Variants in PPP5C observed in about 807,000 individuals in gnomAD.
PPP5C encodes the protein protein phosphatase 5 catalytic subunit.
PPP5C carries 21 observed loss-of-function variants against 66.7 expected under a neutral mutation model. That is an observed-to-expected ratio of 0.31 (90% CI 0.22 to 0.45). The LOEUF is 0.45. Among genes scored for constraint, PPP5C ranks in the 20% least tolerant of loss-of-function variants. The pLI is 1.00. For synonymous variants in PPP5C, 246 were observed against 257.4 expected (o/e 0.96, Z 0.43); for missense variants, 464 against 675.9 (o/e 0.69, Z 3.48).
rs947896455 is a variant in PPP5C, at chr19:46,390,786, A to AC, written c.*446dup. The stretch of plus-strand genomic sequence containing the variant: ...CCATGGTGGGGCTAGGCTGGGGCTC[A>AC]CCCCCCTCCCCAGCTATTTTATGTC... On this transcript the variant is annotated 3_prime_UTR_variant, in exon 13 of 13. Coordinates refer to ENST00000012443, the MANE Select transcript of PPP5C (RefSeq NM_006247.4). The AC allele has an allele frequency of 3.9e-5, 44 of 1,122,798 alleles. No homozygotes were observed. In the East Asian group the frequency reaches 7.8e-4, roughly 20 times the overall value. The allele number at this position is 1,122,798 out of a possible 1,614,324, so 69.6% of individuals were successfully genotyped here.
intron 2 of PPP5C, among the ~76,000 whole-genome samples, chr19:46,366,841 T>C (rs1904305351): frequency 6.6e-6 from 1 of 152,240 alleles, no homozygotes; most frequent in Non-Finnish European, 1.5e-5. Flanking sequence ...TGAGTACTTC[T>C]CTTAAGTGAG....
At chr19:46,372,630 A>G (rs917717793) in intron 2 of PPP5C, among the ~76,000 whole-genome samples, 1 of 152,188 alleles carries the variant, frequency 6.6e-6, no homozygotes, top group Non-Finnish European at 1.5e-5. Flanking sequence ...TCCAGACATC[A>G]TTACCCATGA....
chr19:46,353,708 G>T (rs768719488), intron 1 of PPP5C, 40 bp from the exon 2 acceptor site: 1 of 1,612,490 alleles, frequency 6.2e-7, no homozygotes, highest in Non-Finnish European at 8.5e-7. Flanking sequence ...TCCTCGCAGG[G>T]TTGGAGCACT....
At chr19:46,353,215 CAGG>C (rs1315148226) in intron 1 of PPP5C, among the ~76,000 whole-genome samples, 6 of 152,200 alleles carry the variant, frequency 3.9e-5, no homozygotes, top group African/African-American at 1.4e-4. Flanking sequence ...AGGTAAAGTG[CAGG>C]GTACAGCTAT....
At chr19:46,360,592 C>G (rs1219415759) in intron 2 of PPP5C, among the ~76,000 whole-genome samples, 2 of 152,048 alleles carry the variant, frequency 1.3e-5, no homozygotes, top group Non-Finnish European at 2.9e-5. Context: ...CCACGGCCTC[C>G]TGGGCTCAAT....
rs1474527147 is a variant in PPP5C at position 46,383,522 on chromosome 19, C to G, written c.699+46C>G. On this transcript the variant is annotated intron_variant, in intron 5 of 12. Coordinates refer to ENST00000012443, the MANE Select transcript of PPP5C (RefSeq NM_006247.4). The surrounding 1 kb of genome is among the most constrained non-coding windows in gnomAD (Gnocchi z 5.0). The stretch of plus-strand genomic sequence containing the variant: ...CGGGGAGGGCCAGCGGGGGTGGGCT[C>G]TCTGGCTGGGGAGGGGCCACAGAGC... 13 of 1,530,548 alleles carry G rather than the reference C, an allele frequency of 8.5e-6. No homozygotes were observed. The highest frequency in any genetic ancestry group is 1.2e-5 in the Non-Finnish European group (13 of 1,125,444). The allele number at this position is 1,530,548 out of a possible 1,614,324, so 94.8% of individuals were successfully genotyped here. A position where few individuals can be genotyped will look rare whatever the true frequency, so the allele number is the denominator to read the frequency against.
rs1455130010 is a variant in PPP5C at position 46,390,610 on chromosome 19, C to G, written c.*264C>G. On this transcript the variant is annotated 3_prime_UTR_variant, in exon 13 of 13. Transcript: ENST00000012443. ...CAGCCTGGGCATTCTGTGGGGAGGC[C>G]GTCCTCGGGGTGGGGTGGGGCCGAG... is the stretch of plus-strand genomic sequence containing the variant. 5 of 1,324,532 alleles carry G rather than the reference C, an allele frequency of 3.8e-6. No homozygotes were observed. Among genetic ancestry groups the G allele is most frequent in the Non-Finnish European group, 3.9e-6 (4 of 1,029,400 alleles). The allele number at this position is 1,324,532 out of a possible 1,614,324, so 82.0% of individuals were successfully genotyped here.
chr19:46,363,559 G>C (rs1195718271), intron 2 of PPP5C, among the ~76,000 whole-genome samples: 1 of 151,358 alleles, frequency 6.6e-6, no homozygotes, highest in African/African-American at 2.4e-5. Flanking sequence ...CCTCCAAGTA[G>C]CTGGGATTGC....
Position 46,376,632 on chromosome 19 carries a change from G to T in PPP5C, c.633+58G>T. On this transcript the variant is annotated intron_variant, in intron 4 of 12. Transcript: ENST00000012443. The surrounding 1 kb of genome is among the most constrained non-coding windows in gnomAD (Gnocchi z 5.1). ...AACCCTGGGATGGCATCACAGCACT[G>T]CCAGCCGCGGGCACTGAGCAAAACG... 6.3e-7 allele frequency: 1 copy of T among 1,590,024 alleles called. No homozygotes were observed. The highest frequency in any genetic ancestry group is 8.6e-7 in the Non-Finnish European group (1 of 1,167,234).
chr19:46,355,460 C>T (rs918903894), intron 2 of PPP5C, among the ~76,000 whole-genome samples: 37 of 151,938 alleles, frequency 2.4e-4, no homozygotes, highest in African/African-American at 7.3e-4. Context: ...GGCTGTTGGC[C>T]GCTGGCCTGG....
At chr19:46,380,387 C>T (rs888004282) in intron 4 of PPP5C, among the ~76,000 whole-genome samples, 3 of 152,042 alleles carry the variant, frequency 2.0e-5, no homozygotes, top group Admixed American at 1.3e-4. Context: ...CCTTTGTGCT[C>T]TTGTCATGCT....
At chr19:46,375,830 G>C (rs963967507) in intron 3 of PPP5C, 79 bp downstream of exon 3, 1 of 1,500,132 alleles carries the variant, frequency 6.7e-7, no homozygotes, top group Non-Finnish European at 8.9e-7. Context: ...GGGTGGGGTT[G>C]GGCTCAGGGG....
intron 1 of PPP5C, among the ~76,000 whole-genome samples, chr19:46,347,949 A>C (rs578030349): frequency 1.8e-4 from 28 of 151,690 alleles, no homozygotes; most frequent in African/African-American, 3.9e-4. Context: ...TGAAAAAAAA[A>C]AAAACAAAAA....
In PPP5C at chr19:46,353,984, G is replaced by A. The variant is rs760192092; in HGVS notation, c.358G>A (p.Glu120Lys). ...GKFRAALRDY[E>K]TVVKVKPHDK... ...GTTCCGGGCCGCGCTGCGAGACTAC[G>A]AGACGGTGAGCTGGGGAGTGGGCCA... Residue 120 changes from glutamate (E) to lysine (K), a missense_variant, in exon 2 of 13, where the codon GAG becomes AAG. This residue lies in a region of PPP5C where 387 missense variants were observed against 626.0 expected (regional missense o/e 0.62). Transcript: ENST00000012443. 2 of 1,611,158 alleles carry A rather than the reference G, an allele frequency of 1.2e-6. No homozygotes were observed. Among genetic ancestry groups the A allele is most frequent in the Non-Finnish European group, 1.7e-6 (2 of 1,179,430 alleles).
chr19:46,390,458 A>G lies in PPP5C; in HGVS notation c.*112A>G. ...CCAGGGCAATGTTGGACCCCCTTTT[A>G]CTTTGTAAAGTTTGTATTTATTCCC... On this transcript the variant is annotated 3_prime_UTR_variant, in exon 13 of 13. Transcript: ENST00000012443. The G allele has an allele frequency of 6.6e-7, 1 of 1,524,900 alleles. No homozygotes were observed. The highest frequency in any genetic ancestry group is 8.8e-7 in the Non-Finnish European group (1 of 1,134,892). 94.5% of individuals were successfully genotyped at this position (1,524,900 alleles called of 1,614,324 possible).
intron 1 of PPP5C, 51 bp downstream of exon 1, chr19:46,347,268 C>G (rs778112186): frequency 3.3e-6 from 5 of 1,532,298 alleles, no homozygotes; most frequent in Non-Finnish European, 4.4e-6. Context: ...TGAGGGGTGC[C>G]GGGCCCGCGC....
At chr19:46,387,485 G>T in intron 9 of PPP5C, 32 bp downstream of exon 9, 4 of 1,614,044 alleles carry the variant, frequency 2.5e-6, no homozygotes, top group Non-Finnish European at 3.4e-6. Context: ...GTCTCCAGCA[G>T]AAAGGGGCAG....
chr19:46,387,040 G>A, intron 7 of PPP5C, 53 bp from the exon 8 acceptor site: 1 of 1,613,284 alleles, frequency 6.2e-7, no homozygotes, highest in Non-Finnish European at 8.5e-7. Flanking sequence ...CAGGCTGGAG[G>A]ACACTGATGT....
Position 46,383,440 on chromosome 19 carries a change from C to A in PPP5C, c.663C>A (p.Ser221=), listed in dbSNP as rs1972829550. Residue 221 remains serine (S), a synonymous_variant, in exon 5 of 13, where the codon TCC becomes TCA. Coordinates refer to ENST00000012443, the MANE Select transcript of PPP5C (RefSeq NM_006247.4). The surrounding 1 kb of genome is among the most constrained non-coding windows in gnomAD (Gnocchi z 5.0). ...TGGTACAGGTCAAAGAGGTCCTCTC[C>A]AAGCTGAGCACGCTCGTGGAAACCA... ...QILVQVKEVL[S]KLSTLVETTL... The A allele has an allele frequency of 6.2e-7, 1 of 1,611,940 alleles. No homozygotes were observed. The highest frequency in any genetic ancestry group is 8.5e-7 in the Non-Finnish European group (1 of 1,178,880).
Sources: gnomAD v4.1 joint callset for allele counts (sites outside exome capture counted in the v4.1 genomes callset) on GRCh38, gnomAD v4.1.1 for gene constraint, gnomAD v4.1.1 regional missense constraint, Gnocchi (gnomAD v3.1) non-coding constraint, MANE v1.5 for transcripts, NCBI Gene and HGNC (gene_info 2026-07-23, HGNC 2026-07-21) for gene names.